Variants in NCAM1 observed in about 807,000 individuals in gnomAD.
NCAM1 encodes the protein neural cell adhesion molecule 1, also known as antigen recognized by monoclonal antibody 5.1H11.
NCAM1 carries 14 observed loss-of-function variants against 109.8 expected under a neutral mutation model. The ratio of observed to expected loss-of-function variants is 0.13; its 90% CI spans 0.08 to 0.20. The LOEUF (loss-of-function observed/expected upper bound fraction) is 0.20. Ranked by LOEUF, NCAM1 falls within the 10% of genes least tolerant of loss-of-function variation. NCAM1 has a pLI of 1.00. For missense variants in NCAM1, 774 were observed against 1,109.9 expected (o/e 0.70, Z 4.30); for synonymous variants, 418 against 442.9 (o/e 0.94, Z 0.70).
chr11:113,214,884 A>G (rs1944485669), intron 8 of NCAM1, among the ~76,000 whole-genome samples: 1 of 152,218 alleles, frequency 6.6e-6, no homozygotes, highest in Non-Finnish European at 1.5e-5. Flanking sequence ...ACCCTAGGAA[A>G]GATCTCCCAG....
At chr11:113,139,813 T>C (rs560409966) in intron 1 of NCAM1, among the ~76,000 whole-genome samples, 1 of 152,266 alleles carries the variant, frequency 6.6e-6, no homozygotes, top group African/African-American at 2.4e-5. Context: ...CCCAAATTAT[T>C]TGGAAAATTG....
intron 11 of NCAM1, among the ~76,000 whole-genome samples, 169 bp from the exon 12 acceptor site, chr11:113,232,549 C>G (rs551966579): frequency 6.6e-6 from 1 of 152,292 alleles, no homozygotes; most frequent in South Asian, 2.1e-4. Flanking sequence ...GAATGTGCCT[C>G]TCCCATGAGC....
intron 1 of NCAM1, among the ~76,000 whole-genome samples, chr11:113,157,656 A>G (rs1942463492): frequency 6.6e-6 from 1 of 152,140 alleles, no homozygotes; most frequent in Admixed American, 6.5e-5. Context: ...TTATGGAAAA[A>G]CTGAAAAACT....
intron 18 of NCAM1, among the ~76,000 whole-genome samples, chr11:113,270,749 C>T (rs145356447): frequency 1.7e-3 from 264 of 152,288 alleles, no homozygotes; most frequent in Middle Eastern, 3.4e-3. Flanking sequence ...ACCTTGCTTT[C>T]GTACATTGTT....
intron 1 of NCAM1, among the ~76,000 whole-genome samples, chr11:113,161,690 C>T (rs900242348): frequency 2.0e-5 from 3 of 152,176 alleles, no homozygotes; most frequent in Non-Finnish European, 2.9e-5. Flanking sequence ...TCCTCTTAAG[C>T]ATGAGGATGT....
intron 14 of NCAM1, among the ~76,000 whole-genome samples, chr11:113,239,232 T>C (rs1383603354): frequency 6.6e-6 from 1 of 152,146 alleles, no homozygotes; most frequent in Non-Finnish European, 1.5e-5. Context: ...CTCTAACCTG[T>C]GAGAATGTGC....
chr11:113,096,843 A>G (rs970929009), intron 1 of NCAM1, among the ~76,000 whole-genome samples: 1 of 151,874 alleles, frequency 6.6e-6, no homozygotes, highest in East Asian at 1.9e-4. Flanking sequence ...CATCCCCCAG[A>G]TACACCCTCA....
At chr11:113,106,932 G>T (rs1387603615) in intron 1 of NCAM1, among the ~76,000 whole-genome samples, 2 of 152,166 alleles carry the variant, frequency 1.3e-5, no homozygotes, top group Non-Finnish European at 2.9e-5. Context: ...GTTGCTTGTG[G>T]TCTCTCCTCC....
At chr11:113,025,046 A>G (rs943124658) in intron 1 of NCAM1, among the ~76,000 whole-genome samples, 69 of 152,364 alleles carry the variant, frequency 4.5e-4, no homozygotes, top group African/African-American at 1.6e-3. Context: ...AAACGGTCTC[A>G]TCATTGATTC....
chr11:112,974,387 A>C (rs1477946779), intron 1 of NCAM1, among the ~76,000 whole-genome samples: 3 of 151,956 alleles, frequency 2.0e-5, no homozygotes, highest in Non-Finnish European at 4.4e-5. Context: ...CCTATTAGTA[A>C]AGAGTGAGAC....
intron 14 of NCAM1, chr11:113,242,842 A>G: frequency 1.2e-6 from 2 of 1,613,986 alleles, no homozygotes; most frequent in Non-Finnish European, 8.5e-7. Flanking sequence ...CCACAGAACC[A>G]GCTAGTGAGT....
At chr11:113,108,129 G>A (rs941560541) in intron 1 of NCAM1, among the ~76,000 whole-genome samples, 7 of 152,152 alleles carry the variant, frequency 4.6e-5, no homozygotes, top group Admixed American at 2.0e-4. Context: ...TAACTTATAG[G>A]AATTTGGCTC....
rs1946392361 is a variant in NCAM1 at position 113,275,878 on chromosome 11, T to C, written c.*491T>C. ...TATACTTTCAGTCAAGTTTGAACTC[T>C]GTAAAACCTCATAAATAAGTTATAA... On this transcript the variant is annotated 3_prime_UTR_variant, in exon 20 of 20. Coordinates refer to ENST00000316851, the MANE Select transcript of NCAM1 (RefSeq NM_181351.5). The C allele has an allele frequency of 6.5e-6, 1 of 153,184 alleles. No individual in the cohort carries two copies. Among genetic ancestry groups the C allele is most frequent in the Admixed American group, 6.5e-5 (1 of 15,392 alleles). 9.5% of individuals were successfully genotyped at this position (153,184 alleles called of 1,614,324 possible).
chr11:113,059,168 G>A (rs1436107), intron 1 of NCAM1, among the ~76,000 whole-genome samples: 126,372 of 152,160 alleles, frequency 0.83, 52,829 homozygotes, highest in African/African-American at 0.93. Context: ...TATGGGCCTC[G>A]GTTGCTTTCT....
chr11:113,275,171 C>T lies in NCAM1; in HGVS notation c.2457-96C>T, dbSNP rs538583835. On this transcript the variant is annotated intron_variant, in intron 19 of 19. Transcript: ENST00000316851. ...GGAGCCGGGTGCTGTCACTGGAGAA[C>T]CCCTCCTCCTCCCTGCTGTCCCCAA... 6.5e-4 allele frequency: 972 copies of T among 1,494,008 alleles called. 2 individuals are homozygous for T. Among genetic ancestry groups the T allele is most frequent in the Non-Finnish European group, 8.5e-4 (941 of 1,108,738 alleles). 92.5% of individuals were successfully genotyped at this position (1,494,008 alleles called of 1,614,324 possible).
rs143895969 is a variant in NCAM1 at position 113,146,391 on chromosome 11, A to G, written c.53-55988A>G. ...AATAAGGTAATCTGATTGCTAAATGAACCTGTTTGATTATATTCCTCATTG... is the reference window on the plus strand; with the variant it reads ...AATAAGGTAATCTGATTGCTAAATGGACCTGTTTGATTATATTCCTCATTG... On this transcript the variant is annotated intron_variant, in intron 1 of 19. Transcript: ENST00000316851. 3.0e-3 allele frequency among the ~76,000 whole-genome samples: 459 copies of G among 152,320 alleles called. 2 individuals are homozygous for G. Among genetic ancestry groups the G allele is most frequent in the African/African-American group, 0.011 (440 of 41,564 alleles).
At chr11:113,207,536 G>A (rs1555113073) in intron 6 of NCAM1, among the ~76,000 whole-genome samples, 158 bp downstream of exon 6, 1 of 152,222 alleles carries the variant, frequency 6.6e-6, no homozygotes, top group Non-Finnish European at 1.5e-5. Context: ...TCTCTTGCTT[G>A]TGCATTGATT....
chr11:113,247,556 C>G (rs1244561666), intron 15 of NCAM1, among the ~76,000 whole-genome samples: 5 of 152,336 alleles, frequency 3.3e-5, no homozygotes, highest in African/African-American at 1.2e-4. Flanking sequence ...TTTCCCATCT[C>G]TGAGCCCCTC....
At chr11:113,214,851 G>A (rs1164522674) in intron 8 of NCAM1, among the ~76,000 whole-genome samples, 1 of 152,204 alleles carries the variant, frequency 6.6e-6, no homozygotes, top group Non-Finnish European at 1.5e-5. Context: ...TCCACCAGGT[G>A]ACATTGTCAT....
Sources: allele counts gnomAD v4.1 joint callset (sites outside exome capture counted in the v4.1 genomes callset), GRCh38; gene constraint gnomAD v4.1.1; transcripts MANE v1.5; gene names NCBI Gene and HGNC (gene_info 2026-07-23, HGNC 2026-07-21).